CDH12: variants seen among roughly 807,000 people sequenced by gnomAD.
CDH12 encodes the protein cadherin 12.
In CDH12, 41 loss-of-function variants were observed where a neutral mutation model predicts 74.1. That is an observed-to-expected ratio of 0.55 (90% CI 0.43 to 0.72). CDH12 has a LOEUF of 0.72. Ranked by LOEUF, CDH12 falls within the 30% of genes least tolerant of loss-of-function variation. CDH12 has a pLI of 0.00. For synonymous variants in CDH12, 399 were observed against 355.0 expected (o/e 1.12, Z -1.39); for missense variants, 945 against 977.2 (o/e 0.97, Z 0.44).
chr5:22,438,859 A>G (rs917864198), intron 2 of CDH12, among the ~76,000 whole-genome samples: 2 of 151,768 alleles, frequency 1.3e-5, no homozygotes, highest in Non-Finnish European at 1.5e-5. Flanking sequence ...AAAATTGAAT[A>G]ATATCATTTT....
At chr5:22,115,884 G>A (rs1354628490) in intron 4 of CDH12, among the ~76,000 whole-genome samples, 1 of 151,844 alleles carries the variant, frequency 6.6e-6, no homozygotes, top group Non-Finnish European at 1.5e-5. Context: ...TGGAGTCGGG[G>A]TTTCACCATG....
At chr5:22,419,059 G>C (rs1012604323) in intron 2 of CDH12, among the ~76,000 whole-genome samples, 15 of 152,054 alleles carry the variant, frequency 9.9e-5, no homozygotes, top group African/African-American at 3.4e-4. Context: ...CTTATGTGAT[G>C]GATTACATTT....
chr5:22,334,602 C>G (rs1303896996), intron 3 of CDH12, among the ~76,000 whole-genome samples: 1 of 152,106 alleles, frequency 6.6e-6, no homozygotes, highest in African/African-American at 2.4e-5. Flanking sequence ...TGACTTTGTA[C>G]TACAGAGCTA....
intron 6 of CDH12, among the ~76,000 whole-genome samples, chr5:21,875,089 T>G (rs7443823): frequency 1.3e-5 from 2 of 152,114 alleles, no homozygotes; most frequent in Admixed American, 6.5e-5. Context: ...CAGGTCCTGT[T>G]GAGGTTGCAG....
At chr5:22,570,034 G>A (rs778283201) in intron 1 of CDH12, among the ~76,000 whole-genome samples, 5 of 147,024 alleles carry the variant, frequency 3.4e-5, no homozygotes, top group African/African-American at 5.1e-5. Context: ...AATGTATTTC[G>A]TTTTATTTAT....
chr5:22,707,261 G>T (rs1743059242), intron 1 of CDH12, among the ~76,000 whole-genome samples: 2 of 152,080 alleles, frequency 1.3e-5, no homozygotes, highest in African/African-American at 4.8e-5. Flanking sequence ...CTTTAACTGT[G>T]CTAATGTAAT....
intron 1 of CDH12, among the ~76,000 whole-genome samples, chr5:22,732,984 T>C (rs1744509459): frequency 6.6e-6 from 1 of 151,930 alleles, no homozygotes; most frequent in Non-Finnish European, 1.5e-5. Context: ...TTTTATAAAA[T>C]GAATACTTAA....
At chr5:22,844,475 C>T (rs1368631083) in intron 1 of CDH12, among the ~76,000 whole-genome samples, 4 of 152,040 alleles carry the variant, frequency 2.6e-5, no homozygotes, top group Admixed American at 6.6e-5. Flanking sequence ...ATTCCAAGGA[C>T]TTAGAGTCTA....
At chr5:22,799,054 T>C (rs377728403) in intron 1 of CDH12, among the ~76,000 whole-genome samples, 1 of 152,062 alleles carries the variant, frequency 6.6e-6, no homozygotes, top group East Asian at 1.9e-4. Context: ...GAGAAAGAGG[T>C]TGAAATGAGC....
rs528579463 is a variant in CDH12 at position 22,824,248 on chromosome 5, A to C, written c.-523+28810T>G. On this transcript the variant is annotated intron_variant, in intron 1 of 14. Transcript: ENST00000382254. The stretch of plus-strand genomic sequence containing the variant: ...GTGAAACAAAGATATTTTCAAGCAC[A>C]CAGAAACTGAGTGTGTAACTGTCAA... 7.2e-5 allele frequency among the ~76,000 whole-genome samples: 11 copies of C among 152,284 alleles called. No individual in the cohort carries two copies. In the South Asian group the frequency reaches 2.3e-3, roughly 32 times the overall value.
At chr5:21,826,826 C>G (rs536542502) in intron 8 of CDH12, among the ~76,000 whole-genome samples, 1 of 152,230 alleles carries the variant, frequency 6.6e-6, no homozygotes, top group South Asian at 2.1e-4. Context: ...CTAATTTTAT[C>G]TTCACATCAA....
chr5:22,638,875 C>T (rs1482770813), intron 1 of CDH12: 1 of 150,566 alleles, frequency 6.6e-6, no homozygotes, highest in South Asian at 2.1e-4. Context: ...AAGGTGAAAC[C>T]CCGTCTCTAT....
chr5:21,752,479 T>C (rs1263745231), intron 14 of CDH12, among the ~76,000 whole-genome samples: 1 of 152,130 alleles, frequency 6.6e-6, no homozygotes, highest in African/African-American at 2.4e-5. Context: ...TATTAAAGTA[T>C]TTTAGGGTCT....
chr5:22,721,885 CCTT>C (rs1291821885), intron 1 of CDH12, among the ~76,000 whole-genome samples: 1 of 152,108 alleles, frequency 6.6e-6, no homozygotes, highest in African/African-American at 2.4e-5. Flanking sequence ...GCTTGCTTCT[CCTT>C]CTCCTTCTGC....
At chr5:22,506,246 G>A (rs1736381939) in intron 1 of CDH12, among the ~76,000 whole-genome samples, 1 of 152,056 alleles carries the variant, frequency 6.6e-6, no homozygotes, top group East Asian at 1.9e-4. Context: ...AGGGGAAAAT[G>A]ACACAAATTA....
intron 4 of CDH12, among the ~76,000 whole-genome samples, chr5:22,176,422 G>C (rs1047450153): frequency 3.3e-5 from 5 of 151,788 alleles, no homozygotes; most frequent in African/African-American, 7.3e-5. Flanking sequence ...AGATGATCAC[G>C]TTTGTTATAT....
At chr5:21,847,673 T>C (rs1304430825) in intron 7 of CDH12, among the ~76,000 whole-genome samples, 1 of 152,098 alleles carries the variant, frequency 6.6e-6, no homozygotes, top group Non-Finnish European at 1.5e-5. Context: ...TCATCTCCAC[T>C]ATATGTGATT....
At chr5:22,652,769 T>C (rs1004610769) in intron 1 of CDH12, among the ~76,000 whole-genome samples, 4 of 152,192 alleles carry the variant, frequency 2.6e-5, no homozygotes, top group Non-Finnish European at 4.4e-5. Context: ...AATAATTAGA[T>C]AAACTTCTTC....
chr5:22,284,414 A>C (rs1207992634), intron 3 of CDH12, among the ~76,000 whole-genome samples: 1 of 152,134 alleles, frequency 6.6e-6, no homozygotes, highest in African/African-American at 2.4e-5. Context: ...CTGAAGACTG[A>C]GGATGGAGTA....
Sources: allele counts gnomAD v4.1 joint callset (sites outside exome capture counted in the v4.1 genomes callset), GRCh38; gene constraint gnomAD v4.1.1; transcripts MANE v1.5; gene names NCBI Gene and HGNC (gene_info 2026-07-23, HGNC 2026-07-21).